The following CHCHD3 variants were observed in gnomAD, a reference collection of about 807,000 sequenced individuals.
CHCHD3 encodes MICOS complex subunit MIC19.
A neutral mutation model predicts 38.2 loss-of-function variants in CHCHD3; 20 were observed. The ratio of observed to expected loss-of-function variants is 0.52; its 90% confidence interval spans 0.37 to 0.76. The LOEUF (loss-of-function observed/expected upper bound fraction) is 0.76. CHCHD3 is among the 30% of genes least tolerant of loss of function. The pLI is 0.00. For missense variants in CHCHD3, 245 were observed against 279.2 expected (o/e 0.88, Z 0.87); for synonymous variants, 82 against 100.0 (o/e 0.82, Z 1.07).
At chr7:133,077,358 C>A (rs2117553740) in intron 1 of CHCHD3, among the ~76,000 whole-genome samples, 1 of 152,298 alleles carries the variant, frequency 6.6e-6, no homozygotes, top group Admixed American at 6.5e-5. Flanking sequence ...CTCAGTAATA[C>A]CGCATATTAA....
intron 3 of CHCHD3, among the ~76,000 whole-genome samples, chr7:132,984,981 G>A (rs1429837444): frequency 1.3e-5 from 1 of 75,546 alleles, no homozygotes; most frequent in Non-Finnish European, 2.7e-5. Context: ...ACTGGGAAGT[G>A]AGGAGTCCCT....
chr7:132,882,207 C>G (rs937159998), intron 5 of CHCHD3, among the ~76,000 whole-genome samples: 2 of 152,070 alleles, frequency 1.3e-5, no homozygotes, highest in Non-Finnish European at 2.9e-5. Flanking sequence ...AGTATATCCC[C>G]ATTTTGCAGA....
rs528840691 is a variant in CHCHD3 at position 133,041,208 on chromosome 7, G to T, written c.170-16581C>A. 3.0e-4 allele frequency among the ~76,000 whole-genome samples: 45 copies of T among 152,156 alleles called. 1 individual carries two copies. The highest frequency in any genetic ancestry group is 5.6e-4 in the Non-Finnish European group (38 of 68,028). ...AATTATACAAGTATCCAGGTAATAA[G>T]ATTGTTGTGAGAATTATATCACCTT... On this transcript the variant is annotated intron_variant, in intron 2 of 7. Transcript: ENST00000262570.
intron 2 of CHCHD3, among the ~76,000 whole-genome samples, chr7:133,044,794 C>G (rs1813931688): frequency 6.6e-6 from 1 of 152,244 alleles, no homozygotes; most frequent in South Asian, 2.1e-4. Context: ...GCAGGGCAGA[C>G]TTGGGAGAGG....
chr7:132,992,393 T>C (rs1189314224), intron 3 of CHCHD3, among the ~76,000 whole-genome samples: 1 of 152,098 alleles, frequency 6.6e-6, no homozygotes, highest in Non-Finnish European at 1.5e-5. Context: ...AAATGCCCCT[T>C]CCTCAGACGT....
intron 3 of CHCHD3, among the ~76,000 whole-genome samples, chr7:133,023,228 A>AT (rs1195738400): frequency 7.7e-4 from 117 of 152,188 alleles, no homozygotes; most frequent in Non-Finnish European, 1.2e-3. Flanking sequence ...TTAAATCTTG[A>AT]TTTTTTAAAT....
intron 4 of CHCHD3, among the ~76,000 whole-genome samples, chr7:132,917,722 G>A (rs1810144323): frequency 6.6e-6 from 1 of 151,986 alleles, no homozygotes; most frequent in Non-Finnish European, 1.5e-5. Context: ...AGCCGGGTGT[G>A]TTGGCGGGCG....
chr7:132,902,433 G>T (rs1809692845), intron 4 of CHCHD3, among the ~76,000 whole-genome samples: 1 of 152,158 alleles, frequency 6.6e-6, no homozygotes, highest in Non-Finnish European at 1.5e-5. Flanking sequence ...GTCCATCAAT[G>T]ATAGACTGGA....
chr7:132,882,461 C>CTATATATATA (rs71178065), intron 5 of CHCHD3, among the ~76,000 whole-genome samples: 29 of 135,024 alleles, frequency 2.1e-4, no homozygotes, highest in African/African-American at 7.4e-4. Context: ...ACAATATATT[C>CTATATATATA]TATATATATA....
intron 6 of CHCHD3, among the ~76,000 whole-genome samples, chr7:132,820,626 T>G (rs939785332): frequency 4.0e-5 from 6 of 150,726 alleles, no homozygotes; most frequent in Admixed American, 2.6e-4. Context: ...TTTTTTTTTT[T>G]TTTTTTTTTT....
intron 2 of CHCHD3, among the ~76,000 whole-genome samples, chr7:133,060,964 T>G (rs1814490078): frequency 6.6e-6 from 1 of 152,032 alleles, no homozygotes; most frequent in Admixed American, 6.6e-5. Context: ...AACTACAATA[T>G]GACTAGACAA....
chr7:132,885,775 T>C (rs1239384519), intron 4 of CHCHD3, 30 bp from the exon 5 acceptor site: 1 of 1,510,654 alleles, frequency 6.6e-7, no homozygotes, highest in Admixed American at 2.1e-5. Context: ...ATATACTATA[T>C]CAAGAAAAAG....
At chr7:133,051,896 A>T (rs1212498513) in intron 2 of CHCHD3, 3 of 152,226 alleles carry the variant, frequency 2.0e-5, no homozygotes, top group African/African-American at 7.2e-5. Context: ...AAAAGCTCAG[A>T]ATCTATCAAG....
At chr7:132,944,455 C>A (rs1256460348) in intron 4 of CHCHD3, among the ~76,000 whole-genome samples, 3 of 149,392 alleles carry the variant, frequency 2.0e-5, no homozygotes, top group African/African-American at 4.9e-5. Flanking sequence ...CCACAAATAT[C>A]CAAAAATGGA....
intron 2 of CHCHD3, among the ~76,000 whole-genome samples, chr7:133,045,834 A>G (rs1286141021): frequency 1.3e-5 from 2 of 151,950 alleles, no homozygotes; most frequent in Non-Finnish European, 2.9e-5. Context: ...AGTCGTTTAA[A>G]AGTGTGTGGC....
intron 2 of CHCHD3, among the ~76,000 whole-genome samples, chr7:133,053,071 C>G (rs1368669598): frequency 4.6e-5 from 7 of 152,198 alleles, no homozygotes; most frequent in African/African-American, 1.7e-4. Flanking sequence ...AAACTTCCTC[C>G]AAATTCACAC....
intron 2 of CHCHD3, among the ~76,000 whole-genome samples, chr7:133,036,883 T>C (rs990874104): frequency 6.6e-6 from 1 of 152,214 alleles, no homozygotes; most frequent in Non-Finnish European, 1.5e-5. Flanking sequence ...CCATATATTC[T>C]TCAGAATGTC....
At chr7:133,070,338 C>T (rs577868920) in intron 1 of CHCHD3, 109 bp from the exon 2 acceptor site, 2 of 788,282 alleles carry the variant, frequency 2.5e-6, no homozygotes, top group Admixed American at 3.0e-5. Context: ...ATGACGAATG[C>T]CCTAAAGAAA....
chr7:132,976,097 A>G lies in CHCHD3; in HGVS notation c.252-811T>C, dbSNP rs374088473. Among the ~76,000 whole-genome samples the G allele has an allele frequency of 3.9e-5, 6 of 152,324 alleles. No homozygotes were observed. In the East Asian group the frequency reaches 1.2e-3, roughly 29 times the overall value. On this transcript the variant is annotated intron_variant, in intron 3 of 7. Transcript: ENST00000262570. ...AGGTCACTGTCATTGTGGATGTTACAGCACAGCAGAGAAGCCAGACATTAT... is the reference window on the plus strand; with the variant it reads ...AGGTCACTGTCATTGTGGATGTTACGGCACAGCAGAGAAGCCAGACATTAT...
Sources: gnomAD v4.1 joint callset for allele counts (sites outside exome capture counted in the v4.1 genomes callset) on GRCh38, gnomAD v4.1.1 for gene constraint, MANE v1.5 for transcripts, NCBI Gene and HGNC (gene_info 2026-07-23, HGNC 2026-07-21) for gene names.